The following EGFR variants were observed in gnomAD, a reference collection of about 807,000 sequenced individuals.
EGFR encodes epidermal growth factor receptor, also known as avian erythroblastic leukemia viral (v-erb-b) oncogene homolog.
EGFR carries 58 observed loss-of-function variants against 143.0 expected under a neutral mutation model. The ratio of observed to expected loss-of-function variants is 0.41; its 90% CI spans 0.33 to 0.50. The LOEUF (loss-of-function observed/expected upper bound fraction) is 0.50. Ranked by LOEUF, EGFR falls within the 20% of genes least tolerant of loss-of-function variation. EGFR has a pLI of 0.39. For synonymous variants in EGFR, 613 were observed against 594.4 expected (o/e 1.03, Z -0.45); for missense variants, 1,307 against 1,579.0 (o/e 0.83, Z 2.92).
intron 1 of EGFR, among the ~76,000 whole-genome samples, chr7:55,050,596 T>C (rs1788432186): frequency 6.6e-6 from 1 of 152,088 alleles, no homozygotes; most frequent in Non-Finnish European, 1.5e-5. Flanking sequence ...TCTGATCAAG[T>C]CACTCCCCAG....
intron 14 of EGFR, among the ~76,000 whole-genome samples, chr7:55,164,555 T>C (rs890951000): frequency 2.0e-5 from 3 of 152,204 alleles, no homozygotes; most frequent in African/African-American, 7.2e-5. Flanking sequence ...TAAATTTCTG[T>C]CATTAAAATA....
chr7:55,036,836 C>T (rs1281142844), intron 1 of EGFR, among the ~76,000 whole-genome samples: 1 of 152,186 alleles, frequency 6.6e-6, no homozygotes, highest in African/African-American at 2.4e-5. Context: ...GGAACACCTC[C>T]TCTCTTAACA....
At chr7:55,113,925 C>A (rs961297414) in intron 1 of EGFR, among the ~76,000 whole-genome samples, 1 of 152,178 alleles carries the variant, frequency 6.6e-6, no homozygotes, top group Non-Finnish European at 1.5e-5. Flanking sequence ...CCAGGCCTCA[C>A]CCGACACTCT....
intron 1 of EGFR, among the ~76,000 whole-genome samples, chr7:55,141,581 T>C (rs542747454): frequency 1.2e-4 from 18 of 152,236 alleles, no homozygotes; most frequent in Non-Finnish European, 2.1e-4. Context: ...TGTATTTTGA[T>C]GTTTGTTATT....
At chr7:55,142,170 T>G in intron 1 of EGFR, 116 bp from the exon 2 acceptor site, 1 of 1,277,294 alleles carries the variant, frequency 7.8e-7, no homozygotes, top group Non-Finnish European at 1.1e-6. Context: ...GGTGAGTCTC[T>G]GTGTGGAGAG....
chr7:55,182,680 A>C (rs1460539254), intron 20 of EGFR, among the ~76,000 whole-genome samples: 1 of 152,084 alleles, frequency 6.6e-6, no homozygotes, highest in African/African-American at 2.4e-5. Flanking sequence ...CTTTTACTCC[A>C]GCATCATCGG....
In EGFR at chr7:55,201,363, ATC is replaced by A; in HGVS notation, c.3114+12_3114+13del. 3 of 1,613,984 alleles carry A rather than the reference ATC, an allele frequency of 1.9e-6. No homozygotes were observed. The highest frequency in any genetic ancestry group is 2.5e-6 in the Non-Finnish European group (3 of 1,180,000). On this transcript the variant is annotated intron_variant, in intron 25 of 27. Transcript: ENST00000275493. ...CCCCTCCTGAGCTCTCTGGTATGAA[ATC>A]TCTGTCTCTCTCTCTCTCTCAAGCT...
chr7:55,153,976 C>T (rs374657109), intron 6 of EGFR, 35 bp from the exon 7 acceptor site: 9 of 1,614,020 alleles, frequency 5.6e-6, no homozygotes, highest in African/African-American at 1.3e-5. Context: ...AGTGTACTTA[C>T]CTCACTTGCC....
chr7:55,147,034 A>T (rs1457603076), intron 4 of EGFR, among the ~76,000 whole-genome samples: 2 of 152,192 alleles, frequency 1.3e-5, no homozygotes, highest in African/African-American at 4.8e-5. Context: ...TGGGGCTGGC[A>T]GCACCAGGGC....
intron 20 of EGFR, chr7:55,181,766 T>A: frequency 2.0e-6 from 1 of 489,366 alleles, no homozygotes; most frequent in South Asian, 2.1e-5. Flanking sequence ...TTCTCTGGAA[T>A]TCTTTGTGAA....
chr7:55,151,284 T>C lies in EGFR; in HGVS notation c.560-10T>C, dbSNP rs2128932415. ...CACTGAGATATGCATCTATTACTTTTACATTTCAGGCCAAAAGTGTGATCC... is the reference window on the plus strand; with the variant it reads ...CACTGAGATATGCATCTATTACTTTCACATTTCAGGCCAAAAGTGTGATCC... On this transcript the variant is annotated splice_polypyrimidine_tract_variant and intron_variant, in intron 4 of 27. Coordinates refer to ENST00000275493, the MANE Select transcript of EGFR (RefSeq NM_005228.5). The C allele has an allele frequency of 6.2e-7, 1 of 1,614,144 alleles. No homozygotes were observed. Among genetic ancestry groups the C allele is most frequent in the South Asian group, 1.1e-5 (1 of 91,080 alleles).
chr7:55,199,066 T>C (rs1787739508), intron 23 of EGFR, among the ~76,000 whole-genome samples: 1 of 152,238 alleles, frequency 6.6e-6, no homozygotes, highest in African/African-American at 2.4e-5. Flanking sequence ...TGACCTGACA[T>C]TTGCCCATGT....
intron 1 of EGFR, among the ~76,000 whole-genome samples, chr7:55,068,788 T>C (rs1041483588): frequency 2.6e-5 from 4 of 152,112 alleles, no homozygotes; most frequent in African/African-American, 9.7e-5. Context: ...AGAGAGAGAA[T>C]GCATGGTTAG....
chr7:55,075,219 A>G (rs1416239684), intron 1 of EGFR, among the ~76,000 whole-genome samples: 1 of 151,984 alleles, frequency 6.6e-6, no homozygotes, highest in African/African-American at 2.4e-5. Context: ...TGTTTCAAAG[A>G]ATTCCACCAA....
intron 1 of EGFR, among the ~76,000 whole-genome samples, chr7:55,128,075 A>G (rs1214418738): frequency 1.3e-5 from 2 of 152,176 alleles, no homozygotes; most frequent in African/African-American, 4.8e-5. Context: ...TGGTGCTTAG[A>G]CCTATAATGG....
At chr7:55,135,690 GT>G (rs1794096798) in intron 1 of EGFR, among the ~76,000 whole-genome samples, 1 of 152,024 alleles carries the variant, frequency 6.6e-6, no homozygotes, top group African/African-American at 2.4e-5. Context: ...ACAACTATAG[GT>G]TTTCTAGTTT....
chr7:55,125,721 A>T (rs1156684021), intron 1 of EGFR, among the ~76,000 whole-genome samples: 1 of 152,136 alleles, frequency 6.6e-6, no homozygotes, highest in Non-Finnish European at 1.5e-5. Flanking sequence ...TGAGGCATTG[A>T]CCCAGGCGAA....
At chr7:55,086,086 C>T (rs1012930046) in intron 1 of EGFR, among the ~76,000 whole-genome samples, 5 of 152,150 alleles carry the variant, frequency 3.3e-5, no homozygotes, top group South Asian at 4.1e-4. Context: ...TGCCAGGTCC[C>T]GTGCCGTGCA....
chr7:55,043,266 G>A (rs1788001754), intron 1 of EGFR, among the ~76,000 whole-genome samples: 1 of 152,166 alleles, frequency 6.6e-6, no homozygotes, highest in Non-Finnish European at 1.5e-5. Context: ...TCTCACCTGG[G>A]AGACATCTGG....
Sources: gnomAD v4.1 joint callset for allele counts (sites outside exome capture counted in the v4.1 genomes callset) on GRCh38, gnomAD v4.1.1 for gene constraint, MANE v1.5 for transcripts, NCBI Gene and HGNC (gene_info 2026-07-23, HGNC 2026-07-21) for gene names.